The following FABP1 variants were observed in gnomAD, a reference collection of about 807,000 sequenced individuals.
FABP1 encodes fatty acid-binding protein, liver.
Under a neutral mutation model 13.7 loss-of-function variants are expected in FABP1, and 13 were observed. The ratio of observed to expected loss-of-function variants is 0.95; its 90% CI spans 0.62 to 1.51. The LOEUF is 1.51. Ranked by LOEUF, FABP1 falls within the 40% of genes most tolerant of loss-of-function variation. The pLI is 0.00. For synonymous variants in FABP1, 48 were observed against 59.8 expected, an observed-to-expected ratio of 0.80 and a Z score of 0.91; for missense variants, 140 against 155.7, an observed-to-expected ratio of 0.90 and a Z score of 0.54.
At chr2:88,125,556 C>A (rs1675280415) in intron 2 of FABP1, among the ~76,000 whole-genome samples, 1 of 152,188 alleles carries the variant, frequency 6.6e-6, no homozygotes, top group Non-Finnish European at 1.5e-5. Flanking sequence ...TCATTGCACA[C>A]CATGAGTTGT....
At chr2:88,124,881 T>C (rs1050970800) in intron 2 of FABP1, among the ~76,000 whole-genome samples, 6 of 151,898 alleles carry the variant, frequency 4.0e-5, no homozygotes, top group African/African-American at 1.5e-4. Flanking sequence ...TCAAGTAAAA[T>C]CTCAATTCTC....
chr2:88,126,419 A>G (rs995520659), intron 1 of FABP1, 71 bp from the exon 2 acceptor site: 81 of 1,492,832 alleles, frequency 5.4e-5, no homozygotes, highest in Admixed American at 1.0e-4. Flanking sequence ...GGTAGGTGAG[A>G]GAAACGACAT....
intron 2 of FABP1, among the ~76,000 whole-genome samples, chr2:88,125,569 CCAG>C (rs1322030512): frequency 2.6e-5 from 4 of 152,104 alleles, no homozygotes; most frequent in African/African-American, 9.7e-5. Context: ...TGAGTTGTGC[CCAG>C]CAGAAGTGAT....
At chr2:88,126,104 G>C in intron 2 of FABP1, 72 bp downstream of exon 2, 2 of 1,487,602 alleles carry the variant, frequency 1.3e-6, no homozygotes, top group Non-Finnish European at 1.8e-6. Context: ...TGTGAGGTTT[G>C]AGCCTTGAGG....
At chr2:88,127,246 T>C (rs189509621) in intron 1 of FABP1, among the ~76,000 whole-genome samples, 2 of 152,132 alleles carry the variant, frequency 1.3e-5, no homozygotes, top group Admixed American at 1.3e-4. Context: ...CCCCCCATGC[T>C]CTCTGTGAGC....
In FABP1 at chr2:88,127,944, C is replaced by A. The variant is rs765113467; in HGVS notation, c.67+7G>T. On this transcript the variant is annotated splice_region_variant and intron_variant, in intron 1 of 3. Transcript: ENST00000295834. ...CCCACAGCTTTGCCTTTCAGTCCAG[C>A]ACTCACCGATTGCCTTCATGAAGGC... is the stretch of plus-strand genomic sequence containing the variant. 2.9e-5 allele frequency: 47 copies of A among 1,614,022 alleles called. No homozygotes were observed. The highest frequency in any genetic ancestry group is 3.9e-5 in the Non-Finnish European group (46 of 1,179,960).
intron 2 of FABP1, among the ~76,000 whole-genome samples, chr2:88,125,400 C>T (rs1675277838): frequency 6.6e-6 from 1 of 152,136 alleles, no homozygotes; most frequent in South Asian, 2.1e-4. Context: ...CACGCCCAGC[C>T]CAATGAACAG....
Position 88,126,296 on chromosome 2 carries a change from T to A in FABP1, c.120A>T (p.Glu40Asp). ...TGAAGTGCTTCCCATTCTGCACGAT[T>A]TCCGACACCCCCTTGATATCCTTCC... The part of the protein sequence containing the change: ...QKGKDIKGVS[E>D]IVQNGKHFKF... The change falls in exon 2 of 4, where the codon GAA (glutamate) becomes GAT (aspartate). Residue 40 changes from glutamate to aspartate, a missense_variant. Glu to Asp is a conservative substitution (Grantham distance 45, BLOSUM62 2). Coordinates refer to ENST00000295834, the MANE Select transcript of FABP1 (RefSeq NM_001443.3). The A allele has an allele frequency of 1.9e-6, 3 of 1,614,004 alleles. No individual in the cohort carries two copies. The South Asian group carries it at 3.3e-5, about 18-fold the overall frequency.
At chr2:88,127,331 A>G (rs376243426) in intron 1 of FABP1, among the ~76,000 whole-genome samples, 43 of 152,270 alleles carry the variant, frequency 2.8e-4, no homozygotes, top group African/African-American at 8.4e-4. Flanking sequence ...CCTGCTTCCA[A>G]TCCTAACTTA....
At position 88,124,592 on chromosome 2, in the gene FABP1, G is replaced by C; in HGVS notation, c.241-6C>G. The C allele has an allele frequency of 6.2e-7, 1 of 1,608,248 alleles. No homozygotes were observed. On this transcript the variant is annotated splice_region_variant and splice_polypyrimidine_tract_variant and intron_variant, in intron 2 of 3. Coordinates refer to ENST00000295834, the MANE Select transcript of FABP1 (RefSeq NM_001443.3). ...CCTTCCAACTGAACCACTGTCTGCA[G>C]GGAACAGAGAGGTGACCTGTGAGGA...
intron 3 of FABP1, chr2:88,124,101 A>C: frequency 1.1e-5 from 2 of 185,306 alleles, no homozygotes; most frequent in Non-Finnish European, 1.1e-5. Flanking sequence ...CAAATAGGGT[A>C]CAGGATGTGG....
Position 88,126,161 on chromosome 2 carries a change from G to A in FABP1, c.240+15C>T. On this transcript the variant is annotated intron_variant, in intron 2 of 3. Transcript: ENST00000295834. ...TCCAAGGAAAGTTCTGACAGCAGAAGGGATGCCCTCCTACCTTGACTTTCT... is the reference window on the plus strand; with the variant it reads ...TCCAAGGAAAGTTCTGACAGCAGAAAGGATGCCCTCCTACCTTGACTTTCT... 1.9e-6 allele frequency: 3 copies of A among 1,592,724 alleles called. No homozygotes were observed. The highest frequency in any genetic ancestry group is 2.6e-6 in the Non-Finnish European group (3 of 1,163,500).
intron 1 of FABP1, 103 bp from the exon 2 acceptor site, chr2:88,126,451 G>T: frequency 8.3e-7 from 1 of 1,201,994 alleles, no homozygotes; most frequent in Non-Finnish European, 1.2e-6. Flanking sequence ...ACAGAGAAGG[G>T]CACTGTGTCT....
rs1675330040 is a variant in FABP1 at position 88,127,931 on chromosome 2, C to T, written c.67+20G>A. On this transcript the variant is annotated intron_variant, in intron 1 of 3. Transcript: ENST00000295834. ...CTCACTGATGTGACCCACAGCTTTG[C>T]CTTTCAGTCCAGCACTCACCGATTG... The T allele has an allele frequency of 1.2e-6, 2 of 1,613,694 alleles. No individual in the cohort carries two copies. The highest frequency in any genetic ancestry group is 2.2e-5 in the South Asian group (2 of 91,062).
rs369186499 is a variant in FABP1, at chr2:88,124,596, A to G, written c.241-10T>C. 11 of 1,603,992 alleles carry G rather than the reference A, an allele frequency of 6.9e-6. No individual in the cohort carries two copies. Among genetic ancestry groups the G allele is most frequent in the Non-Finnish European group, 9.4e-6 (11 of 1,173,402 alleles). On this transcript the variant is annotated splice_polypyrimidine_tract_variant and intron_variant, in intron 2 of 3. Transcript: ENST00000295834. ...CCAACTGAACCACTGTCTGCAGGGAACAGAGAGGTGACCTGTGAGGAAGGG... is the reference window on the plus strand; with the variant it reads ...CCAACTGAACCACTGTCTGCAGGGAGCAGAGAGGTGACCTGTGAGGAAGGG...
At position 88,124,391 on chromosome 2, in the gene FABP1, G is replaced by T. The variant is rs553942889; in HGVS notation, c.333+103C>A. The T allele has an allele frequency of 4.0e-4, 302 of 755,962 alleles. No individual in the cohort carries two copies. In the African/African-American group the frequency reaches 4.7e-3, roughly 12 times the overall value. The allele number at this position is 755,962 out of a possible 1,614,324, so 46.8% of individuals were successfully genotyped here. The stretch of plus-strand genomic sequence containing the variant: ...ACAGGAAAGAAGTTTGGGGGTTGGA[G>T]GGTGGAGGGGTGGCATTAGGGTATG... On this transcript the variant is annotated intron_variant, in intron 3 of 3. Coordinates refer to ENST00000295834, the MANE Select transcript of FABP1 (RefSeq NM_001443.3).
chr2:88,127,634 TGG>T (rs916508478), intron 1 of FABP1, among the ~76,000 whole-genome samples: 1 of 152,170 alleles, frequency 6.6e-6, no homozygotes, highest in Non-Finnish European at 1.5e-5. Context: ...GCTCAGTGTG[TGG>T]TTGGCCTTGA....
At chr2:88,127,337 A>G (rs1344422192) in intron 1 of FABP1, among the ~76,000 whole-genome samples, 1 of 152,088 alleles carries the variant, frequency 6.6e-6, no homozygotes, top group Non-Finnish European at 1.5e-5. Context: ...TCCAATCCTA[A>G]CTTAAACACT....
intron 2 of FABP1, among the ~76,000 whole-genome samples, chr2:88,125,372 GAA>G (rs1443264609): frequency 6.6e-6 from 1 of 152,202 alleles, no homozygotes; most frequent in African/African-American, 2.4e-5. Flanking sequence ...AGAGTGACCA[GAA>G]GAGATAAAAA....
Sources: allele counts gnomAD v4.1 joint callset (sites outside exome capture counted in the v4.1 genomes callset), GRCh38; gene constraint gnomAD v4.1.1; transcripts MANE v1.5; gene names NCBI Gene and HGNC (gene_info 2026-07-23, HGNC 2026-07-21).